Variants in ROBO1 observed in about 807,000 individuals in gnomAD.
ROBO1 encodes roundabout guidance receptor 1, also known as roundabout homolog 1.
ROBO1 carries 149 observed loss-of-function variants against 195.9 expected under a neutral mutation model. That is an observed-to-expected ratio of 0.76 (90% CI 0.67 to 0.87). The LOEUF (loss-of-function observed/expected upper bound fraction) is 0.87. Among genes scored for constraint, ROBO1 ranks in the 40% least tolerant of loss-of-function variants. The pLI, the probability that ROBO1 is intolerant of heterozygous loss-of-function variation, is 0.00. For missense variants in ROBO1, 1,933 were observed against 2,068.3 expected (o/e 0.93, Z 1.27); for synonymous variants, 816 against 733.2 (o/e 1.11, Z -1.82).
At chr3:79,692,196 T>C (rs543382899) in intron 1 of ROBO1, among the ~76,000 whole-genome samples, 81 of 151,982 alleles carry the variant, frequency 5.3e-4, no homozygotes, top group African/African-American at 1.9e-3. Flanking sequence ...TAAAAGTAAC[T>C]ATACTTTTAG....
At chr3:79,040,571 A>G (rs986929595) in intron 3 of ROBO1, among the ~76,000 whole-genome samples, 4 of 152,098 alleles carry the variant, frequency 2.6e-5, no homozygotes, top group African/African-American at 9.7e-5. Context: ...TAATATAAGC[A>G]CTCCATTCGT....
rs147657183 is a variant in ROBO1 at position 78,649,427 on chromosome 3, T to C, written c.2813-1772A>G. 3.4e-3 allele frequency among the ~76,000 whole-genome samples: 520 copies of C among 152,272 alleles called. 2 individuals are homozygous for C. Among genetic ancestry groups the C allele is most frequent in the African/African-American group, 0.01 (435 of 41,548 alleles). On this transcript the variant is annotated intron_variant, in intron 19 of 30. Transcript: ENST00000464233. ...TGCGGGTGCAATATGTGAATGCATG[T>C]GGACAGGGGGTACCCAGCGAACTGG...
intron 2 of ROBO1, among the ~76,000 whole-genome samples, chr3:79,257,217 A>G: frequency 6.6e-6 from 1 of 152,188 alleles, no homozygotes; most frequent in Non-Finnish European, 1.5e-5. Flanking sequence ...GTCAACTAGT[A>G]AATAAGGGTG....
chr3:79,152,025 A>G (rs2080781417), intron 2 of ROBO1, among the ~76,000 whole-genome samples: 1 of 151,930 alleles, frequency 6.6e-6, no homozygotes, highest in Admixed American at 6.6e-5. Context: ...TTATACGAAT[A>G]CATATTAAGT....
At chr3:78,826,207 A>G (rs1344697137) in intron 4 of ROBO1, among the ~76,000 whole-genome samples, 1 of 152,190 alleles carries the variant, frequency 6.6e-6, no homozygotes, top group African/African-American at 2.4e-5. Flanking sequence ...CTAGTTTGTA[A>G]GCATTACTCC....
chr3:78,743,820 A>G (rs2082590606), intron 5 of ROBO1, among the ~76,000 whole-genome samples: 1 of 152,006 alleles, frequency 6.6e-6, no homozygotes, highest in African/African-American at 2.4e-5. Context: ...GAGTATTTAA[A>G]CCACTAGTAT....
At chr3:79,392,196 T>C (rs1010378100) in intron 2 of ROBO1, among the ~76,000 whole-genome samples, 1 of 152,168 alleles carries the variant, frequency 6.6e-6, no homozygotes, top group East Asian at 1.9e-4. Context: ...ATCTGGCACA[T>C]ACCTGCCAAC....
chr3:78,611,172 T>C (rs1264346335), intron 28 of ROBO1, among the ~76,000 whole-genome samples: 1 of 152,226 alleles, frequency 6.6e-6, no homozygotes, highest in Non-Finnish European at 1.5e-5. Context: ...ATTAACCTGC[T>C]ATAGAGATCC....
At chr3:79,510,045 A>G (rs1940620427) in intron 2 of ROBO1, among the ~76,000 whole-genome samples, 1 of 152,138 alleles carries the variant, frequency 6.6e-6, no homozygotes, top group Non-Finnish European at 1.5e-5. Flanking sequence ...TAAATAGGAA[A>G]GGCTATTGAT....
intron 4 of ROBO1, among the ~76,000 whole-genome samples, chr3:78,791,500 C>A (rs115525895): frequency 6.6e-6 from 1 of 152,170 alleles, no homozygotes; most frequent in Admixed American, 6.5e-5. Flanking sequence ...TATCCTGAAT[C>A]TAATAAAGTT....
intron 3 of ROBO1, among the ~76,000 whole-genome samples, chr3:79,082,792 G>C (rs1276866596): frequency 6.6e-6 from 1 of 152,128 alleles, no homozygotes; most frequent in Non-Finnish European, 1.5e-5. Flanking sequence ...TATGGAGAGA[G>C]GCAGGTTGAA....
chr3:79,625,423 G>GAAAAAAAAAA, intron 1 of ROBO1, among the ~76,000 whole-genome samples: 2 of 13,882 alleles, frequency 1.4e-4, no homozygotes, highest in Non-Finnish European at 2.6e-4. Flanking sequence ...TGTTTTTTTT[G>GAAAAAAAAAA]AAAAAAAAAA....
chr3:79,704,812 TGA>T (rs930051626), intron 1 of ROBO1, among the ~76,000 whole-genome samples: 1 of 152,050 alleles, frequency 6.6e-6, no homozygotes, highest in Non-Finnish European at 1.5e-5. Flanking sequence ...AAGCAATAAA[TGA>T]GAGTTCTTGT....
At chr3:78,708,409 T>C (rs1157414063) in intron 8 of ROBO1, among the ~76,000 whole-genome samples, 1 of 152,106 alleles carries the variant, frequency 6.6e-6, no homozygotes, top group Non-Finnish European at 1.5e-5. Context: ...TTTTTAAGTA[T>C]TTTGAAGCTG....
At chr3:79,605,245 A>ACTTTTT (rs1450533283) in intron 1 of ROBO1, among the ~76,000 whole-genome samples, 1 of 123,556 alleles carries the variant, frequency 8.1e-6, no homozygotes, top group Non-Finnish European at 1.6e-5. Flanking sequence ...TTTCCGTATT[A>ACTTTTT]CTTTTTTTTT....
intron 1 of ROBO1, among the ~76,000 whole-genome samples, chr3:79,653,088 T>G (rs925379399): frequency 6.6e-6 from 1 of 151,830 alleles, no homozygotes; most frequent in Non-Finnish European, 1.5e-5. Context: ...TATTAATTAA[T>G]AATTTTGATT....
chr3:78,787,295 G>A (rs1360607062), intron 4 of ROBO1, among the ~76,000 whole-genome samples: 6 of 152,094 alleles, frequency 3.9e-5, no homozygotes, highest in African/African-American at 1.4e-4. Context: ...CAAAATTGTT[G>A]TATTAATAAT....
At chr3:78,884,633 G>GAGAA (rs796879832) in intron 4 of ROBO1, among the ~76,000 whole-genome samples, 991 of 87,456 alleles carry the variant, frequency 0.011, 26 homozygotes, top group African/African-American at 0.035. Context: ...GAGAAAGAAA[G>GAGAA]AGAAAGAAAG....
In ROBO1 at chr3:79,042,974, A is replaced by T. The variant is rs150185895; in HGVS notation, c.172+82482T>A. On this transcript the variant is annotated intron_variant, in intron 3 of 30. Transcript: ENST00000464233. Reference sequence around the variant, plus strand: ...AAATTGTATTTTCACCATACCCTTAATTTTAACTTCATGATATAAAAACTG... The same window carrying T: ...AAATTGTATTTTCACCATACCCTTATTTTTAACTTCATGATATAAAAACTG... 4.6e-5 allele frequency among the ~76,000 whole-genome samples: 7 copies of T among 152,250 alleles called. No homozygotes were observed. The East Asian group carries it at 1.2e-3, about 25-fold the overall frequency.
Sources: allele counts gnomAD v4.1 joint callset (sites outside exome capture counted in the v4.1 genomes callset), GRCh38; gene constraint gnomAD v4.1.1; transcripts MANE v1.5; gene names NCBI Gene and HGNC (gene_info 2026-07-23, HGNC 2026-07-21).